The following ARID3B variants were observed in gnomAD, a reference collection of about 807,000 sequenced individuals.
The protein encoded by ARID3B is AT-rich interaction domain 3B, also known as AT-rich interactive domain-containing protein 3B.
ARID3B carries 10 observed loss-of-function variants against 51.9 expected under a neutral mutation model. The observed-to-expected ratio is 0.19, with a 90% CI of 0.12 to 0.33. The LOEUF (loss-of-function observed/expected upper bound fraction) is 0.33. ARID3B is among the 10% of genes least tolerant of loss of function. ARID3B has a pLI of 1.00. For synonymous variants in ARID3B, 205 were observed against 279.5 expected, an observed-to-expected ratio of 0.73 and a Z score of 2.66; for missense variants, 483 against 716.3, an observed-to-expected ratio of 0.67 and a Z score of 3.72.
intron 4 of ARID3B, among the ~76,000 whole-genome samples, chr15:74,589,372 G>A (rs1567126671): frequency 6.6e-6 from 1 of 152,122 alleles, no homozygotes; most frequent in Non-Finnish European, 1.5e-5. Context: ...TGCCAGGAGG[G>A]TGACTAGGCA....
chr15:74,583,821 C>A (rs2061770332), intron 4 of ARID3B, among the ~76,000 whole-genome samples: 1 of 152,000 alleles, frequency 6.6e-6, no homozygotes, highest in Non-Finnish European at 1.5e-5. Flanking sequence ...ATGCACTATA[C>A]CATATGTAAG....
At chr15:74,594,183 T>C (rs2061814733) in intron 8 of ARID3B, among the ~76,000 whole-genome samples, 1 of 152,162 alleles carries the variant, frequency 6.6e-6, no homozygotes, top group Non-Finnish European at 1.5e-5. Context: ...GCGCGGTGGC[T>C]CACGCCTGTA....
Position 74,543,934 on chromosome 15 carries a change from A to G in ARID3B, c.-3A>G. 6.2e-7 allele frequency: 1 copy of G among 1,607,852 alleles called. No homozygotes were observed. The highest frequency in any genetic ancestry group is 8.5e-7 in the Non-Finnish European group (1 of 1,176,752). On this transcript the variant is annotated 5_prime_UTR_variant, in exon 2 of 9. Coordinates refer to ENST00000346246, the MANE Select transcript of ARID3B (RefSeq NM_006465.4). ...CACTCTGTGGGTGAAGCTTGAGGCA[A>G]AAATGGAGCCACTTCAGCAGCAGCA...
chr15:74,564,323 G>A (rs2061690322), intron 2 of ARID3B, among the ~76,000 whole-genome samples: 3 of 152,164 alleles, frequency 2.0e-5, no homozygotes, highest in Admixed American at 6.5e-5. Flanking sequence ...CTGGTATGAG[G>A]GCAAAGAGCA....
intron 4 of ARID3B, among the ~76,000 whole-genome samples, chr15:74,577,317 A>C (rs1332938541): frequency 6.6e-6 from 1 of 151,848 alleles, no homozygotes; most frequent in Admixed American, 6.6e-5. Flanking sequence ...AATTTAAAAA[A>C]AAAAAAAAGA....
chr15:74,565,553 G>T (rs2061694679), intron 2 of ARID3B, among the ~76,000 whole-genome samples: 1 of 152,186 alleles, frequency 6.6e-6, no homozygotes, highest in Admixed American at 6.5e-5. Flanking sequence ...AACTAAAATT[G>T]CTTTGGACAT....
At chr15:74,544,662 C>T (rs2061608900) in intron 2 of ARID3B, among the ~76,000 whole-genome samples, 174 bp downstream of exon 2, 1 of 150,310 alleles carries the variant, frequency 6.7e-6, no homozygotes, top group Non-Finnish European at 1.5e-5. Flanking sequence ...TTATTTTCTT[C>T]ATTAAAGCAA....
At chr15:74,589,036 T>TAAAA (rs2061793174) in intron 4 of ARID3B, among the ~76,000 whole-genome samples, 1 of 126,782 alleles carries the variant, frequency 7.9e-6, no homozygotes, top group Non-Finnish European at 1.6e-5. Context: ...TTTTTTTTTT[T>TAAAA]TTTTTTTTTT....
At chr15:74,585,310 G>C (rs762968893) in intron 4 of ARID3B, among the ~76,000 whole-genome samples, 3 of 152,216 alleles carry the variant, frequency 2.0e-5, no homozygotes, top group Admixed American at 6.5e-5. Context: ...TTCCTTAGAG[G>C]AAGATAGAAT....
chr15:74,557,528 A>G (rs2061663283), intron 2 of ARID3B, among the ~76,000 whole-genome samples: 2 of 151,916 alleles, frequency 1.3e-5, no homozygotes, highest in Admixed American at 1.3e-4. Flanking sequence ...TTTTTTCTTC[A>G]CCCTTAATGA....
intron 2 of ARID3B, among the ~76,000 whole-genome samples, chr15:74,549,413 A>G (rs1404934933): frequency 1.3e-5 from 2 of 150,674 alleles, no homozygotes; most frequent in Non-Finnish European, 3.0e-5. Flanking sequence ...CTGCATGACT[A>G]TCATTAGCTG....
At chr15:74,588,655 G>A (rs990091673) in intron 4 of ARID3B, among the ~76,000 whole-genome samples, 2 of 152,134 alleles carry the variant, frequency 1.3e-5, no homozygotes, top group Admixed American at 1.3e-4. Context: ...CCAAATGACA[G>A]TCATCCATCA....
At chr15:74,572,978 G>T in intron 3 of ARID3B, 45 bp downstream of exon 3, 1 of 1,608,724 alleles carries the variant, frequency 6.2e-7, no homozygotes, top group Non-Finnish European at 8.5e-7. Flanking sequence ...CAGTTCTGCA[G>T]TGGCTTGTTA....
intron 2 of ARID3B, among the ~76,000 whole-genome samples, chr15:74,569,065 A>G (rs955476196): frequency 6.6e-6 from 1 of 152,190 alleles, no homozygotes; most frequent in Admixed American, 6.5e-5. Context: ...CACAGTCAGC[A>G]TCCGAGAAAA....
In ARID3B at chr15:74,597,941, C is replaced by G; in HGVS notation, c.*2167C>G. The G allele has an allele frequency of 1.9e-6, 1 of 531,846 alleles. No individual in the cohort carries two copies. The allele number at this position is 531,846 out of a possible 1,614,324, so 32.9% of individuals were successfully genotyped here. A position where few individuals can be genotyped will look rare whatever the true frequency, so the allele number is the denominator to read the frequency against. Reference sequence around the variant, plus strand: ...CTGAAGGTGCCATCAGCCAGGGCAGCTCTGTCCCCTCCTGCTCTCCATCTT... The same window carrying G: ...CTGAAGGTGCCATCAGCCAGGGCAGGTCTGTCCCCTCCTGCTCTCCATCTT... On this transcript the variant is annotated 3_prime_UTR_variant, in exon 9 of 9. Coordinates refer to ENST00000346246, the MANE Select transcript of ARID3B (RefSeq NM_006465.4).
chr15:74,572,282 A>G (rs111259140), intron 2 of ARID3B, among the ~76,000 whole-genome samples: 3 of 152,254 alleles, frequency 2.0e-5, no homozygotes, highest in African/African-American at 4.8e-5. Context: ...CCCTAGTGGC[A>G]CAGAGTCTGT....
At chr15:74,577,776 A>C (rs2061743307) in intron 4 of ARID3B, among the ~76,000 whole-genome samples, 1 of 152,056 alleles carries the variant, frequency 6.6e-6, no homozygotes, top group South Asian at 2.1e-4. Context: ...CAAGTGATCC[A>C]ACTGCCTGAG....
intron 4 of ARID3B, among the ~76,000 whole-genome samples, chr15:74,580,431 T>A (rs982266243): frequency 1.3e-5 from 2 of 152,150 alleles, no homozygotes; most frequent in Non-Finnish European, 2.9e-5. Flanking sequence ...TTTTGTTCCC[T>A]AGGAGGTGAA....
intron 2 of ARID3B, among the ~76,000 whole-genome samples, chr15:74,572,590 G>A (rs979664410): frequency 1.3e-5 from 2 of 151,826 alleles, no homozygotes; most frequent in Non-Finnish European, 2.9e-5. Flanking sequence ...AAGTATAAAT[G>A]ACACCCACGA....
Sources: allele counts gnomAD v4.1 joint callset (sites outside exome capture counted in the v4.1 genomes callset), GRCh38; gene constraint gnomAD v4.1.1; transcripts MANE v1.5; gene names NCBI Gene and HGNC (gene_info 2026-07-23, HGNC 2026-07-21).